The following KCNG2 variants were observed in gnomAD, a reference collection of about 807,000 sequenced individuals.
KCNG2 encodes potassium voltage-gated channel modifier subfamily G member 2.
In KCNG2, 7 loss-of-function variants were observed where a neutral mutation model predicts 12.3. That is an observed-to-expected ratio of 0.57 (90% CI 0.32 to 1.07). The LOEUF (loss-of-function observed/expected upper bound fraction) is 1.07, where lower values mean the gene tolerates loss of function less well. KCNG2 is among the 50% of genes least tolerant of loss of function. The pLI is 0.04. For missense variants in KCNG2, 703 were observed against 726.0 expected (o/e 0.97, Z 0.36); for synonymous variants, 414 against 351.4 (o/e 1.18, Z -1.99).
In KCNG2 at chr18:79,899,025, C is replaced by T; in HGVS notation, c.625-15C>T. 6.5e-7 allele frequency: 1 copy of T among 1,526,782 alleles called. No individual in the cohort carries two copies. The highest frequency in any genetic ancestry group is 1.4e-5 in the African/African-American group (1 of 71,708). 94.6% of individuals were successfully genotyped at this position (1,526,782 alleles called of 1,614,324 possible). A position where few individuals can be genotyped will look rare whatever the true frequency, so the allele number is the denominator to read the frequency against. On this transcript the variant is annotated splice_polypyrimidine_tract_variant and intron_variant, in intron 3 of 3. Coordinates refer to ENST00000316249, the MANE Select transcript of KCNG2 (RefSeq NM_012283.2). ...GAGGCCTGCGCCCCCAACCCCGTGT[C>T]CCCTCTCCCCGCAGGGCGAGTGCTC...
intron 1 of KCNG2, among the ~76,000 whole-genome samples, chr18:79,813,011 C>T (rs2087503475): frequency 3.3e-5 from 5 of 151,928 alleles, no homozygotes; most frequent in East Asian, 1.9e-4. Flanking sequence ...CAAAATTAGC[C>T]GAGTGTGGTG....
intron 1 of KCNG2, among the ~76,000 whole-genome samples, chr18:79,813,629 A>G (rs1484987261): frequency 1.3e-5 from 2 of 152,262 alleles, no homozygotes; most frequent in Admixed American, 6.5e-5. Context: ...ACAGACTTAA[A>G]TGTAAACATA....
intron 3 of KCNG2, among the ~76,000 whole-genome samples, chr18:79,892,114 A>G (rs2060280411): frequency 3.4e-5 from 2 of 59,060 alleles, no homozygotes; most frequent in African/African-American, 7.4e-5. Context: ...GACTCCGTCT[A>G]AAAAAAAAAA....
rs904618293 is a variant in KCNG2 at position 79,898,987 on chromosome 18, C to T, written c.625-53C>T. 3.0e-6 allele frequency: 4 copies of T among 1,353,044 alleles called. No individual in the cohort carries two copies. In the African/African-American group the frequency reaches 4.5e-5, roughly 15 times the overall value. 83.8% of individuals were successfully genotyped at this position (1,353,044 alleles called of 1,614,324 possible). On this transcript the variant is annotated intron_variant, in intron 3 of 3. Coordinates refer to ENST00000316249, the MANE Select transcript of KCNG2 (RefSeq NM_012283.2). ...CCTGGGAAAGGAAGGGCAAGGCGCCCCCGGCCCTCCAAGAGGCCTGCGCCC... is the reference window on the plus strand; with the variant it reads ...CCTGGGAAAGGAAGGGCAAGGCGCCTCCGGCCCTCCAAGAGGCCTGCGCCC...
At chr18:79,866,428 G>T (rs1186190485) in intron 3 of KCNG2, among the ~76,000 whole-genome samples, 3 of 93,084 alleles carry the variant, frequency 3.2e-5, no homozygotes, top group East Asian at 4.0e-4. Context: ...GAGAGGTCTG[G>T]GTGCTGAGAG....
intron 3 of KCNG2, among the ~76,000 whole-genome samples, chr18:79,897,105 T>C (rs978004827): frequency 3.4e-4 from 49 of 142,728 alleles, no homozygotes; most frequent in African/African-American, 1.0e-3. Flanking sequence ...TTCCTGGATA[T>C]GTAGGTTATT....
At chr18:79,804,274 G>A (rs540177911) in intron 1 of KCNG2, among the ~76,000 whole-genome samples, 4 of 152,348 alleles carry the variant, frequency 2.6e-5, no homozygotes, top group East Asian at 1.9e-4. Flanking sequence ...AGCCACAGCC[G>A]CTGGACCCTG....
At chr18:79,835,410 A>C (rs937819768) in intron 1 of KCNG2, among the ~76,000 whole-genome samples, 12 of 152,250 alleles carry the variant, frequency 7.9e-5, no homozygotes, top group Non-Finnish European at 4.4e-5. Context: ...AGCCGTTGTA[A>C]AAATACTTCA....
chr18:79,806,418 T>C (rs2087450399), intron 1 of KCNG2, among the ~76,000 whole-genome samples: 1 of 152,116 alleles, frequency 6.6e-6, no homozygotes, highest in Admixed American at 6.5e-5. Flanking sequence ...GAGTTTGTAG[T>C]GGATGGTCTC....
intron 1 of KCNG2, among the ~76,000 whole-genome samples, chr18:79,837,797 C>A (rs975692143): frequency 1.3e-5 from 2 of 152,214 alleles, no homozygotes; most frequent in Non-Finnish European, 2.9e-5. Context: ...CTCTTCCAAC[C>A]TCTGCCCTTT....
At chr18:79,804,027 A>AAAGTGCTG (rs1333659729) in intron 1 of KCNG2, among the ~76,000 whole-genome samples, 1 of 152,062 alleles carries the variant, frequency 6.6e-6, no homozygotes, top group Non-Finnish European at 1.5e-5. Flanking sequence ...GTTCCTTATA[A>AAAGTGCTG]AAGTGCTGCA....
intron 3 of KCNG2, among the ~76,000 whole-genome samples, chr18:79,888,949 G>C (rs1007387613): frequency 6.6e-6 from 1 of 152,098 alleles, no homozygotes; most frequent in African/African-American, 2.4e-5. Context: ...AAAGTACTGG[G>C]ATTACAAGCA....
chr18:79,873,850 G>A (rs374131826), intron 3 of KCNG2, among the ~76,000 whole-genome samples: 34 of 152,316 alleles, frequency 2.2e-4, no homozygotes, highest in African/African-American at 7.9e-4. Context: ...GGCAGCAGCT[G>A]CGGTGTCCAG....
rs532285592 is a variant in KCNG2 at position 79,848,689 on chromosome 18, G to A, written c.-114-7690G>A. 5.9e-4 allele frequency among the ~76,000 whole-genome samples: 90 copies of A among 152,314 alleles called. 1 individual carries two copies. Among genetic ancestry groups the A allele is most frequent in the African/African-American group, 2.0e-3 (82 of 41,578 alleles). On this transcript the variant is annotated intron_variant, in intron 1 of 3. Transcript: ENST00000316249. ...CAGCAGCCGCGTGGGGGAAGGAGGTGGGGACGGTGGCCCACGGGCTGGGGC... is the reference window on the plus strand; with the variant it reads ...CAGCAGCCGCGTGGGGGAAGGAGGTAGGGACGGTGGCCCACGGGCTGGGGC...
chr18:79,861,499 A>C (rs2123063118), intron 2 of KCNG2, among the ~76,000 whole-genome samples: 1 of 152,088 alleles, frequency 6.6e-6, no homozygotes, highest in African/African-American at 2.4e-5. Flanking sequence ...GGATGGTCTC[A>C]AACTCCTGAC....
In KCNG2 at chr18:79,899,229, G is replaced by A; in HGVS notation, c.814G>A (p.Ala272Thr). The part of the protein sequence containing the change: ...FYVSLLLGLA[A>T]GPGGTKLLER... Reference sequence around the variant, plus strand: ...CGTGTCGCTGCTGCTGGGGCTGGCGGCAGGCCCGGGCGGGACCAAGCTCCT... The same window carrying A: ...CGTGTCGCTGCTGCTGGGGCTGGCGACAGGCCCGGGCGGGACCAAGCTCCT... Residue 272 changes from alanine to threonine, a missense_variant, in exon 4 of 4, where the codon GCA (alanine) becomes ACA (threonine). Transcript: ENST00000316249. The A allele has an allele frequency of 1.9e-6, 3 of 1,599,070 alleles. No homozygotes were observed. The highest frequency in any genetic ancestry group is 1.7e-5 in the Admixed American group (1 of 59,778).
intron 1 of KCNG2, among the ~76,000 whole-genome samples, chr18:79,841,067 C>T (rs1397516505): frequency 1.3e-5 from 2 of 151,826 alleles, no homozygotes; most frequent in Admixed American, 6.6e-5. Flanking sequence ...CTCAGGAGTT[C>T]GAGACTAGCC....
At chr18:79,881,945 G>A (rs565915850) in intron 3 of KCNG2, among the ~76,000 whole-genome samples, 6 of 152,198 alleles carry the variant, frequency 3.9e-5, no homozygotes, top group African/African-American at 1.4e-4. Flanking sequence ...TGAAAAGGCC[G>A]GGCACGGAGA....
At chr18:79,836,646 A>G (rs937530350) in intron 1 of KCNG2, among the ~76,000 whole-genome samples, 3 of 152,166 alleles carry the variant, frequency 2.0e-5, no homozygotes, top group Non-Finnish European at 4.4e-5. Flanking sequence ...GGAAACTTAC[A>G]ATCATGGCGA....
Sources: allele counts gnomAD v4.1 joint callset (sites outside exome capture counted in the v4.1 genomes callset), GRCh38; gene constraint gnomAD v4.1.1; transcripts MANE v1.5; gene names NCBI Gene and HGNC (gene_info 2026-07-23, HGNC 2026-07-21).